Variants in FNDC5 observed in about 807,000 individuals in gnomAD.
FNDC5 encodes fibronectin type III domain containing 5.
In FNDC5, 10 loss-of-function variants were observed where a neutral mutation model predicts 24.6. The ratio of observed to expected loss-of-function variants is 0.41; its 90% CI spans 0.25 to 0.69. The LOEUF (loss-of-function observed/expected upper bound fraction) is 0.69, where lower values mean the gene tolerates loss of function less well. Ranked by LOEUF, FNDC5 falls within the 30% of genes least tolerant of loss-of-function variation. The pLI is 0.34. For missense variants in FNDC5, 226 were observed against 282.9 expected (o/e 0.80, Z 1.44); for synonymous variants, 90 against 110.7 (o/e 0.81, Z 1.18).
chr1:32,866,693 C>T (rs1641076926), intron 4 of FNDC5, among the ~76,000 whole-genome samples: 1 of 150,798 alleles, frequency 6.6e-6, no homozygotes, highest in Admixed American at 6.6e-5. Context: ...AGTTTAAGTT[C>T]AGCCCAAGAA....
At chr1:32,867,936 G>C (rs1047058850) in intron 3 of FNDC5, 94 bp from the exon 4 acceptor site, 14 of 1,266,816 alleles carry the variant, frequency 1.1e-5, no homozygotes, top group Admixed American at 1.9e-5. Context: ...ATTTCTACAG[G>C]TGCCCACACA....
At chr1:32,867,440 T>C (rs575156655) in intron 4 of FNDC5, among the ~76,000 whole-genome samples, 1 of 152,162 alleles carries the variant, frequency 6.6e-6, no homozygotes, top group South Asian at 2.1e-4. Flanking sequence ...AAAAAGGCTG[T>C]GGCCATGACC....
intron 5 of FNDC5, 50 bp downstream of exon 5, chr1:32,864,614 C>G (rs754861512): frequency 1.2e-6 from 2 of 1,612,328 alleles, no homozygotes; most frequent in African/African-American, 1.3e-5. Context: ...CAGGGATTAC[C>G]AGAGCATGAG....
Position 32,867,844 on chromosome 1 carries a change from T to C in FNDC5, c.410-2A>G. On this transcript the variant is annotated splice_acceptor_variant, in intron 3 of 5. Transcript: ENST00000373471. LOFTEE classifies it high-confidence loss of function. ...CCATCTCTTTCATGGTTACCTCATCTGCAGGGAGAGAGACACTAGATCCAG... is the reference window on the plus strand; with the variant it reads ...CCATCTCTTTCATGGTTACCTCATCCGCAGGGAGAGAGACACTAGATCCAG... The C allele has an allele frequency of 2.5e-6, 4 of 1,613,950 alleles. No individual in the cohort carries two copies. Among genetic ancestry groups the C allele is most frequent in the Non-Finnish European group, 3.4e-6 (4 of 1,179,908 alleles).
chr1:32,868,822 C>G lies in FNDC5; in HGVS notation c.210+60G>C. On this transcript the variant is annotated intron_variant, in intron 2 of 5. Transcript: ENST00000373471. This position sits in a 1 kb window ranked among gnomAD's most constrained non-coding sequence, Gnocchi z 4.8. ...CATCACCACCACTGCCACACTCCTA[C>G]CCCCATCTGCCACTACTGTCTTGAT... 1.8e-6 allele frequency: 2 copies of G among 1,106,976 alleles called. No individual in the cohort carries two copies. Among genetic ancestry groups the G allele is most frequent in the Non-Finnish European group, 1.2e-6 (1 of 861,644 alleles). 68.6% of individuals were successfully genotyped at this position (1,106,976 alleles called of 1,614,324 possible). A position where few individuals can be genotyped will look rare whatever the true frequency, so the allele number is the denominator to read the frequency against.
Position 32,863,874 on chromosome 1 carries a change from G to A in FNDC5, c.*420C>T, listed in dbSNP as rs1641008851. 5 of 1,307,782 alleles carry A rather than the reference G, an allele frequency of 3.8e-6. No homozygotes were observed. Among genetic ancestry groups the A allele is most frequent in the Middle Eastern group, 2.1e-4 (1 of 4,720 alleles). 81.0% of individuals were successfully genotyped at this position (1,307,782 alleles called of 1,614,324 possible). On this transcript the variant is annotated 3_prime_UTR_variant, in exon 6 of 6. Transcript: ENST00000373471. ...CAGAAGAAGGAAGGGAGCAGCAGCA[G>A]GGCTGTAGCCTAAATAAGCCAAGCT...
chr1:32,870,317 AG>A (rs1433538592), intron 1 of FNDC5, among the ~76,000 whole-genome samples: 2 of 152,126 alleles, frequency 1.3e-5, no homozygotes, highest in Admixed American at 1.3e-4. Flanking sequence ...AGAGAGGCCC[AG>A]GTGGGGGAAC....
At chr1:32,866,371 G>A (rs151249200) in intron 4 of FNDC5, among the ~76,000 whole-genome samples, 1 of 152,138 alleles carries the variant, frequency 6.6e-6, no homozygotes, top group East Asian at 1.9e-4. Flanking sequence ...TGGTAATAAA[G>A]CTTTAGCATG....
Position 32,864,767 on chromosome 1 carries a change from T to C in FNDC5, c.530A>G (p.Asp177Gly), listed in dbSNP as rs1268982263. 3 of 1,614,072 alleles carry C rather than the reference T, an allele frequency of 1.9e-6. No homozygotes were observed. Among genetic ancestry groups the C allele is most frequent in the Non-Finnish European group, 2.5e-6 (3 of 1,180,056 alleles). Reference sequence around the variant, plus strand: ...ATTGGGTTCATTGTCCTTGATGATGTCATACTGGCGGCAGAAGAGGGCAAT... The same window carrying C: ...ATTGGGTTCATTGTCCTTGATGATGCCATACTGGCGGCAGAAGAGGGCAAT... The change falls in exon 5 of 6, where the codon GAC becomes GGC. Residue 177 changes from aspartate (D) to glycine (G), a missense_variant. Physicochemically the swap from Asp to Gly is moderately conservative, Grantham distance 94. Coordinates refer to ENST00000373471, the MANE Select transcript of FNDC5 (RefSeq NM_153756.3).
chr1:32,868,858 C>A lies in FNDC5; in HGVS notation c.210+24G>T. 1 of 1,221,304 alleles carries A rather than the reference C, an allele frequency of 8.2e-7. No individual in the cohort carries two copies. The highest frequency in any genetic ancestry group is 1.0e-6 in the Non-Finnish European group (1 of 973,358). The allele number at this position is 1,221,304 out of a possible 1,614,324, so 75.7% of individuals were successfully genotyped here. On this transcript the variant is annotated intron_variant, in intron 2 of 5. Coordinates refer to ENST00000373471, the MANE Select transcript of FNDC5 (RefSeq NM_153756.3). The surrounding 1 kb of genome is among the most constrained non-coding windows in gnomAD (Gnocchi z 4.8). ...CACTACTGTCTTGATGTGTCCTTCC[C>A]TCCTAAGGACAGTGGAGCATTACCT...
chr1:32,868,416 C>G lies in FNDC5; in HGVS notation c.211-28G>C. On this transcript the variant is annotated intron_variant, in intron 2 of 5. Transcript: ENST00000373471. The surrounding 1 kb of genome is among the most constrained non-coding windows in gnomAD (Gnocchi z 4.8). ...GCAGACAAGCGCCGGTCACTGCTGT[C>G]AACACTCGGTGACCAGCCCCGCTCC... 2 of 1,604,766 alleles carry G rather than the reference C, an allele frequency of 1.2e-6. No individual in the cohort carries two copies. The highest frequency in any genetic ancestry group is 2.2e-5 in the East Asian group (1 of 44,700).
chr1:32,868,713 T>G lies in FNDC5; in HGVS notation c.210+169A>C, dbSNP rs989336993. Reference sequence around the variant, plus strand: ...TCTAGAGAATTTTCAGACATATGTCTGAATGGGGCCCCAATTTTCAGACAT... The same window carrying G: ...TCTAGAGAATTTTCAGACATATGTCGGAATGGGGCCCCAATTTTCAGACAT... On this transcript the variant is annotated intron_variant, in intron 2 of 5. Transcript: ENST00000373471. This position sits in a 1 kb window ranked among gnomAD's most constrained non-coding sequence, Gnocchi z 4.8. 3.3e-5 allele frequency among the ~76,000 whole-genome samples: 5 copies of G among 152,154 alleles called. No homozygotes were observed. Among genetic ancestry groups the G allele is most frequent in the Admixed American group, 1.3e-4 (2 of 15,278 alleles).
rs1354212088 is a variant in FNDC5, at chr1:32,864,797, C to T, written c.500G>A (p.Gly167Asp). Reference sequence around the variant, plus strand: ...CTGGCGGCAGAAGAGGGCAATGACACCTGAGGGGGGACAAGTGAGCAGTCA... The same window carrying T: ...CTGGCGGCAGAAGAGGGCAATGACATCTGAGGGGGGACAAGTGAGCAGTCA... The change falls in exon 5 of 6, where the codon GGT (glycine) becomes GAT (aspartate). Residue 167 changes from glycine to aspartate, a missense_variant and splice_region_variant. Transcript: ENST00000373471. 3 of 1,613,828 alleles carry T rather than the reference C, an allele frequency of 1.9e-6. No homozygotes were observed. Among genetic ancestry groups the T allele is most frequent in the African/African-American group, 1.3e-5 (1 of 74,928 alleles).
intron 4 of FNDC5, 87 bp downstream of exon 4, chr1:32,867,666 C>T (rs1641096674): frequency 2.3e-6 from 3 of 1,327,032 alleles, no homozygotes; most frequent in African/African-American, 1.5e-5. Flanking sequence ...AACCCCTTAC[C>T]CTTTTTTTCA....
chr1:32,864,543 C>T, intron 5 of FNDC5, 121 bp downstream of exon 5: 1 of 1,553,510 alleles, frequency 6.4e-7, no homozygotes. Context: ...CAGGCAGCAG[C>T]CAAGTCTGGC....
intron 1 of FNDC5, 125 bp downstream of exon 1, chr1:32,870,527 AG>A (rs1461742677): frequency 2.3e-6 from 1 of 427,414 alleles, no homozygotes; most frequent in Non-Finnish European, 3.5e-6. Context: ...GGGCTGGGTT[AG>A]GGGAGCAGTG....
chr1:32,864,471 G>A, intron 5 of FNDC5, 172 bp from the exon 6 acceptor site: 1 of 1,471,290 alleles, frequency 6.8e-7, no homozygotes, highest in Non-Finnish European at 9.0e-7. Flanking sequence ...AATCACCACT[G>A]GCCCCTGGCA....
chr1:32,869,748 A>G (rs1262056299), intron 1 of FNDC5, among the ~76,000 whole-genome samples: 1 of 152,066 alleles, frequency 6.6e-6, no homozygotes, highest in African/African-American at 2.4e-5. Context: ...TGAGAGTGAT[A>G]GGGATAGTGG....
At position 32,868,819 on chromosome 1, in the gene FNDC5, C is replaced by G. The variant is rs1323767508; in HGVS notation, c.210+63G>C. On this transcript the variant is annotated intron_variant, in intron 2 of 5. Coordinates refer to ENST00000373471, the MANE Select transcript of FNDC5 (RefSeq NM_153756.3). The surrounding 1 kb of genome is among the most constrained non-coding windows in gnomAD (Gnocchi z 4.8). ...CTCCATCACCACCACTGCCACACTC[C>G]TACCCCCATCTGCCACTACTGTCTT... 9.1e-6 allele frequency: 10 copies of G among 1,101,126 alleles called. No individual in the cohort carries two copies. In the East Asian group the frequency reaches 2.7e-4, roughly 29 times the overall value. 68.2% of individuals were successfully genotyped at this position (1,101,126 alleles called of 1,614,324 possible). A position where few individuals can be genotyped will look rare whatever the true frequency, so the allele number is the denominator to read the frequency against.
Sources: allele counts gnomAD v4.1 joint callset (sites outside exome capture counted in the v4.1 genomes callset), GRCh38; gene constraint gnomAD v4.1.1; non-coding constraint Gnocchi (gnomAD v3.1); transcripts MANE v1.5; gene names NCBI Gene and HGNC (gene_info 2026-07-23, HGNC 2026-07-21).